USP24: variants seen among roughly 807,000 people sequenced by gnomAD.
USP24 encodes the protein ubiquitin specific peptidase 24, also known as ubiquitin carboxyl-terminal hydrolase 24.
USP24 carries 97 observed loss-of-function variants against 361.6 expected under a neutral mutation model. That is an observed-to-expected ratio of 0.27 (90% CI 0.23 to 0.32). The LOEUF (loss-of-function observed/expected upper bound fraction) is 0.32, where lower values mean the gene tolerates loss of function less well. Ranked by LOEUF, USP24 falls within the 10% of genes least tolerant of loss-of-function variation. USP24 has a pLI of 1.00. For missense variants in USP24, 2,353 were observed against 3,165.6 expected (o/e 0.74, Z 6.16); for synonymous variants, 1,098 against 1,124.6 (o/e 0.98, Z 0.47).
At chr1:55,175,645 T>C (rs1649908681) in intron 3 of USP24, among the ~76,000 whole-genome samples, 1 of 152,214 alleles carries the variant, frequency 6.6e-6, no homozygotes, top group Admixed American at 6.5e-5. Context: ...GAATCATTCA[T>C]TGCAACTTTT....
intron 1 of USP24, among the ~76,000 whole-genome samples, chr1:55,182,138 G>A (rs563414235): frequency 6.6e-5 from 10 of 152,236 alleles, no homozygotes; most frequent in East Asian, 5.8e-4. Context: ...AGCAACTTCC[G>A]CTTCCCGGGT....
rs1400366732 is a variant in USP24 at position 55,178,145 on chromosome 1, G to T, written c.325-13C>A. Reference sequence around the variant, plus strand: ...TCTCATCATTCTTCTGACGAAAAGGGATTAAGATAAAAAGCAAATAAAACT... The same window carrying T: ...TCTCATCATTCTTCTGACGAAAAGGTATTAAGATAAAAAGCAAATAAAACT... On this transcript the variant is annotated splice_polypyrimidine_tract_variant and intron_variant, in intron 1 of 67. Coordinates refer to ENST00000294383, the MANE Select transcript of USP24 (RefSeq NM_015306.3). 8.0e-6 allele frequency: 12 copies of T among 1,500,122 alleles called. No individual in the cohort carries two copies. In the South Asian group the frequency reaches 1.3e-4, roughly 17 times the overall value. The allele number at this position is 1,500,122 out of a possible 1,614,324, so 92.9% of individuals were successfully genotyped here.
intron 1 of USP24, among the ~76,000 whole-genome samples, chr1:55,187,035 T>A (rs923458553): frequency 2.0e-5 from 3 of 151,428 alleles, no homozygotes; most frequent in African/African-American, 7.3e-5. Context: ...GTAAACCAAA[T>A]CCACACATAT....
chr1:55,148,648 A>G, intron 16 of USP24, 78 bp from the exon 17 acceptor site: 2 of 1,098,754 alleles, frequency 1.8e-6, no homozygotes, highest in Non-Finnish European at 2.6e-6. Context: ...AAAAATTTCA[A>G]GTCAATCAGG....
At chr1:55,162,920 AC>A (rs1346050877) in intron 7 of USP24, among the ~76,000 whole-genome samples, 1 of 152,170 alleles carries the variant, frequency 6.6e-6, no homozygotes, top group Non-Finnish European at 1.5e-5. Flanking sequence ...TTGCAACAGT[AC>A]AGAAATGAAC....
intron 22 of USP24, 45 bp from the exon 23 acceptor site, chr1:55,142,840 T>C: frequency 1.4e-6 from 2 of 1,454,530 alleles, no homozygotes; most frequent in Non-Finnish European, 1.9e-6. Flanking sequence ...GACATTTAGT[T>C]GTAATCATTA....
At chr1:55,125,630 G>T (rs1256175808) in intron 33 of USP24, 33 bp downstream of exon 33, 2 of 1,577,874 alleles carry the variant, frequency 1.3e-6, no homozygotes, top group Non-Finnish European at 1.7e-6. Flanking sequence ...GTCAAGTATT[G>T]CCTGGTAAGA....
In USP24 at chr1:55,123,718, C is replaced by T. The variant is rs978199547; in HGVS notation, c.4121-116G>A. 20 of 1,071,512 alleles carry T rather than the reference C, an allele frequency of 1.9e-5. No individual in the cohort carries two copies. In the African/African-American group the frequency reaches 2.8e-4, roughly 15 times the overall value. 66.4% of individuals were successfully genotyped at this position (1,071,512 alleles called of 1,614,324 possible). ...TGACATTAAATACTTCAAGAAAGCA[C>T]TTAGGTCCAAGAAGCAAGAGAGATT... On this transcript the variant is annotated intron_variant, in intron 35 of 67. Coordinates refer to ENST00000294383, the MANE Select transcript of USP24 (RefSeq NM_015306.3).
At chr1:55,142,171 T>C (rs976894591) in intron 23 of USP24, among the ~76,000 whole-genome samples, 4 of 152,206 alleles carry the variant, frequency 2.6e-5, no homozygotes, top group Admixed American at 2.6e-4. Context: ...GGAACATTTT[T>C]GCTTAGATGT....
At chr1:55,203,872 T>C (rs911627407) in intron 1 of USP24, among the ~76,000 whole-genome samples, 22 of 152,382 alleles carry the variant, frequency 1.4e-4, no homozygotes, top group African/African-American at 3.8e-4. Flanking sequence ...GGCTGCTCAA[T>C]AGACACCTAA....
intron 36 of USP24, among the ~76,000 whole-genome samples, chr1:55,123,083 T>C (rs952018134): frequency 6.6e-5 from 10 of 152,116 alleles, no homozygotes; most frequent in Non-Finnish European, 1.2e-4. Context: ...AAAGAGCAAA[T>C]CTTAAGTTAC....
intron 1 of USP24, among the ~76,000 whole-genome samples, chr1:55,210,783 T>C (rs1419604972): frequency 6.6e-6 from 1 of 152,098 alleles, no homozygotes; most frequent in Non-Finnish European, 1.5e-5. Flanking sequence ...AGAAAGAACA[T>C]CCACATTAAA....
chr1:55,099,882 A>G lies in USP24; in HGVS notation c.5272-13T>C, dbSNP rs1645588609. The G allele has an allele frequency of 6.5e-7, 1 of 1,532,818 alleles. No individual in the cohort carries two copies. The highest frequency in any genetic ancestry group is 8.8e-7 in the Non-Finnish European group (1 of 1,135,878). 95.0% of individuals were successfully genotyped at this position (1,532,818 alleles called of 1,614,324 possible). ...ACATCTTGAAAATCTATATAACAAA[A>G]ATTAAATGTTTTTAAAGGAAAAGTA... On this transcript the variant is annotated splice_polypyrimidine_tract_variant and intron_variant, in intron 44 of 67. Transcript: ENST00000294383.
intron 64 of USP24, 96 bp downstream of exon 64, chr1:55,073,732 T>A: frequency 8.5e-7 from 1 of 1,177,416 alleles, no homozygotes; most frequent in Non-Finnish European, 1.2e-6. Context: ...AGTCAGATTC[T>A]CCAGGTATCA....
At chr1:55,141,244 AC>A (rs1646880537) in intron 24 of USP24, among the ~76,000 whole-genome samples, 1 of 152,172 alleles carries the variant, frequency 6.6e-6, no homozygotes, top group East Asian at 1.9e-4. Context: ...AATATTTTTA[AC>A]TTGAAAAAAA....
intron 8 of USP24, among the ~76,000 whole-genome samples, chr1:55,160,220 T>C (rs1242778157): frequency 6.6e-6 from 1 of 152,212 alleles, no homozygotes; most frequent in East Asian, 1.9e-4. Context: ...ACCACTTCCA[T>C]CTAAGTAAGA....
chr1:55,209,294 C>T (rs1644793754), intron 1 of USP24, among the ~76,000 whole-genome samples: 1 of 151,940 alleles, frequency 6.6e-6, no homozygotes, highest in South Asian at 2.1e-4. Flanking sequence ...GAAAACCTTT[C>T]TAAAATACAT....
intron 38 of USP24, among the ~76,000 whole-genome samples, chr1:55,115,495 C>CAGAAAAAA (rs1646085146): frequency 4.4e-5 from 2 of 45,844 alleles, no homozygotes; most frequent in East Asian, 9.7e-4. Flanking sequence ...GACTCCGCCT[C>CAGAAAAAA]AAAAAAAAAA....
intron 23 of USP24, 123 bp downstream of exon 23, chr1:55,142,619 T>A (rs1646920914): frequency 1.4e-6 from 1 of 707,410 alleles, no homozygotes; most frequent in African/African-American, 1.8e-5. Context: ...ATGGTACTGT[T>A]GATAAATTCT....
Sources: allele counts gnomAD v4.1 joint callset (sites outside exome capture counted in the v4.1 genomes callset), GRCh38; gene constraint gnomAD v4.1.1; transcripts MANE v1.5; gene names NCBI Gene and HGNC (gene_info 2026-07-23, HGNC 2026-07-21).